Variants in RNFT2 observed in about 807,000 individuals in gnomAD.
RNFT2 encodes ring finger protein, transmembrane 2.
A neutral mutation model predicts 53.0 loss-of-function variants in RNFT2; 36 were observed. The observed-to-expected ratio is 0.68, with a 90% CI of 0.52 to 0.90. The LOEUF (loss-of-function observed/expected upper bound fraction) is 0.90, where lower values mean the gene tolerates loss of function less well. RNFT2 is among the 40% of genes least tolerant of loss of function. RNFT2 has a pLI of 0.00. For missense variants in RNFT2, 514 were observed against 585.6 expected, an observed-to-expected ratio of 0.88 and a Z score of 1.26; for synonymous variants, 260 against 253.2, an observed-to-expected ratio of 1.03 and a Z score of -0.26.
At chr12:116,743,996 GC>G (rs1253071002) in intron 3 of RNFT2, among the ~76,000 whole-genome samples, 2 of 152,124 alleles carry the variant, frequency 1.3e-5, no homozygotes, top group Non-Finnish European at 2.9e-5. Flanking sequence ...CGGGGGTAAG[GC>G]AGGCTGATCA....
At chr12:116,843,137 G>A (rs1877436185) in intron 10 of RNFT2, among the ~76,000 whole-genome samples, 1 of 152,122 alleles carries the variant, frequency 6.6e-6, no homozygotes, top group Non-Finnish European at 1.5e-5. Flanking sequence ...TTGGGGTGAG[G>A]GTGAGGTGAC....
At chr12:116,786,179 T>A (rs1369922673) in intron 7 of RNFT2, among the ~76,000 whole-genome samples, 1 of 150,710 alleles carries the variant, frequency 6.6e-6, no homozygotes, top group East Asian at 2.0e-4. Context: ...TGGAGTGCAA[T>A]GGCGTGACTT....
intron 6 of RNFT2, among the ~76,000 whole-genome samples, chr12:116,768,391 G>A (rs529465268): frequency 2.0e-5 from 3 of 152,070 alleles, no homozygotes; most frequent in South Asian, 2.1e-4. Context: ...ATGAGCCACC[G>A]CACCCAGCCC....
At chr12:116,841,820 A>ATATAT (rs1877291503) in intron 10 of RNFT2, among the ~76,000 whole-genome samples, 1 of 42,582 alleles carries the variant, frequency 2.3e-5, no homozygotes, top group African/African-American at 9.8e-5. Context: ...TATATATAAA[A>ATATAT]ATATATATAT....
At position 116,743,245 on chromosome 12, in the gene RNFT2, CCGG is replaced by C. The variant is rs1871725490; in HGVS notation, c.83+2152_83+2154del. ...AAAAAAAAAAAAAAAAAAAAAAAAA[CCGG>C]TTAAAAAACACTCATGAGCTAGAAT... is the stretch of plus-strand genomic sequence containing the variant. On this transcript the variant is annotated intron_variant, in intron 3 of 10. Transcript: ENST00000257575. Among the ~76,000 whole-genome samples, 7 of 27,172 alleles carry C rather than the reference CCGG, an allele frequency of 2.6e-4. 2 individuals are homozygous for C. Among genetic ancestry groups the C allele is most frequent in the South Asian group, 2.0e-3 (1 of 494 alleles). 17.8% of individuals were successfully genotyped at this position (27,172 alleles called of 152,430 possible).
Position 116,792,471 on chromosome 12 carries a change from C to T in RNFT2, c.882+13123C>T, listed in dbSNP as rs984802572. On this transcript the variant is annotated intron_variant, in intron 7 of 10. Coordinates refer to ENST00000257575, the MANE Select transcript of RNFT2 (RefSeq NM_001382266.1). Reference sequence around the variant, plus strand: ...TCCTTGAAACGGACACTGCTAGGGCCGAGGAGGCGGGGATGGACCCAGCAC... The same window carrying T: ...TCCTTGAAACGGACACTGCTAGGGCTGAGGAGGCGGGGATGGACCCAGCAC... Among the ~76,000 whole-genome samples, 8 of 152,144 alleles carry T rather than the reference C, an allele frequency of 5.3e-5. No homozygotes were observed. The East Asian group carries it at 5.8e-4, about 11-fold the overall frequency.
chr12:116,843,387 G>A (rs1317759180), intron 10 of RNFT2, among the ~76,000 whole-genome samples: 1 of 150,268 alleles, frequency 6.7e-6, no homozygotes, highest in Non-Finnish European at 1.5e-5. Context: ...AGCTACTCAG[G>A]AGGCTGAGGT....
intron 7 of RNFT2, among the ~76,000 whole-genome samples, chr12:116,806,379 A>ATATAT (rs1210982959): frequency 1.1e-4 from 14 of 129,892 alleles, no homozygotes; most frequent in African/African-American, 4.6e-4. Flanking sequence ...AAAAAAAAAA[A>ATATAT]AAATATATAT....
chr12:116,811,470 G>T (rs1199302237), intron 7 of RNFT2, among the ~76,000 whole-genome samples: 1 of 151,910 alleles, frequency 6.6e-6, no homozygotes, highest in Non-Finnish European at 1.5e-5. Context: ...CTGTTTCCCA[G>T]GTTCAAGCAA....
chr12:116,740,798 C>T, intron 2 of RNFT2: 1 of 620,592 alleles, frequency 1.6e-6, no homozygotes. Context: ...GGACTTTCTC[C>T]ACCTCTGAGT....
intron 7 of RNFT2, among the ~76,000 whole-genome samples, chr12:116,788,331 G>A (rs1874032129): frequency 6.6e-6 from 1 of 152,202 alleles, no homozygotes; most frequent in South Asian, 2.1e-4. Flanking sequence ...GAGGCACTGA[G>A]ACATTGAGAA....
chr12:116,754,036 G>A lies in RNFT2; in HGVS notation c.603G>A (p.Thr201=), dbSNP rs368451296. Residue 201 remains threonine (T), a synonymous_variant, in exon 5 of 11, where the codon ACG becomes ACA. Transcript: ENST00000257575. ...MASTFAYANS[T]LREQVSLKEK... is the part of the protein sequence containing the mutation. The stretch of plus-strand genomic sequence containing the variant: ...GCACCTTCGCCTATGCCAACTCCAC[G>A]CTTCGAGAACAGGTCTCACTGAAGG... The A allele has an allele frequency of 4.0e-5, 65 of 1,613,634 alleles. No homozygotes were observed. Among genetic ancestry groups the A allele is most frequent in the South Asian group, 1.6e-4 (15 of 91,074 alleles).
chr12:116,844,294 G>A (rs746653274), intron 10 of RNFT2, among the ~76,000 whole-genome samples: 1 of 152,080 alleles, frequency 6.6e-6, no homozygotes, highest in Non-Finnish European at 1.5e-5. Flanking sequence ...GTAGTGGCAC[G>A]ATCTTAGCTC....
At chr12:116,803,570 TCAA>T (rs2137154738) in intron 7 of RNFT2, among the ~76,000 whole-genome samples, 1 of 152,254 alleles carries the variant, frequency 6.6e-6, no homozygotes, top group East Asian at 1.9e-4. Context: ...GGTGCTGCTG[TCAA>T]CAACACCAAA....
chr12:116,796,676 G>A (rs1874516265), intron 7 of RNFT2, among the ~76,000 whole-genome samples: 1 of 152,168 alleles, frequency 6.6e-6, no homozygotes. Flanking sequence ...TCCCATTGTT[G>A]GAGGCATCTT....
At chr12:116,768,736 C>CTCT (rs555119379) in intron 6 of RNFT2, among the ~76,000 whole-genome samples, 4 of 142,904 alleles carry the variant, frequency 2.8e-5, no homozygotes, top group African/African-American at 1.0e-4. Context: ...TTTTCTCTCT[C>CTCT]TTTTTTTTTT....
chr12:116,829,705 A>C (rs959006553), intron 7 of RNFT2, among the ~76,000 whole-genome samples: 1 of 152,118 alleles, frequency 6.6e-6, no homozygotes, highest in Non-Finnish European at 1.5e-5. Flanking sequence ...AGTGATTCTC[A>C]TGTAGCTGGG....
intron 7 of RNFT2, among the ~76,000 whole-genome samples, chr12:116,783,134 C>T (rs1048680501): frequency 6.6e-6 from 1 of 152,182 alleles, no homozygotes; most frequent in Admixed American, 6.5e-5. Context: ...AGGAGATACA[C>T]ACTCTTATAC....
intron 4 of RNFT2, among the ~76,000 whole-genome samples, chr12:116,753,142 CTTTT>C (rs1325437058): frequency 4.4e-4 from 31 of 70,906 alleles, no homozygotes; most frequent in Non-Finnish European, 8.7e-4. Flanking sequence ...TTTCTTTTTT[CTTTT>C]TCTTTTTTTT....
Sources: gnomAD v4.1 joint callset for allele counts (sites outside exome capture counted in the v4.1 genomes callset) on GRCh38, gnomAD v4.1.1 for gene constraint, MANE v1.5 for transcripts, NCBI Gene and HGNC (gene_info 2026-07-23, HGNC 2026-07-21) for gene names.